KCNMA1: variants seen among roughly 807,000 people sequenced by gnomAD.
The protein encoded by KCNMA1 is Calcium-activated potassium channel subunit alpha-1.
KCNMA1 carries 29 observed loss-of-function variants against 140.0 expected under a neutral mutation model. The ratio of observed to expected loss-of-function variants is 0.21; its 90% CI spans 0.15 to 0.28. The LOEUF (loss-of-function observed/expected upper bound fraction) is 0.28, where lower values mean the gene tolerates loss of function less well. Ranked by LOEUF, KCNMA1 falls within the 10% of genes least tolerant of loss-of-function variation. The probability of loss-of-function intolerance (pLI) is 1.00; values close to 1 mark genes in which losing one functional copy is unlikely to be tolerated. For missense variants in KCNMA1, 880 were observed against 1,602.2 expected, an observed-to-expected ratio of 0.55 and a Z score of 7.70; for synonymous variants, 612 against 611.9, an observed-to-expected ratio of 1.00 and a Z score of 0.00.
intron 2 of KCNMA1, among the ~76,000 whole-genome samples, chr10:77,383,687 T>C (rs1447034263): frequency 1.3e-5 from 2 of 152,188 alleles, no homozygotes; most frequent in East Asian, 1.9e-4. Context: ...TCTTTTTTTG[T>C]ACTAAATTTC....
At chr10:77,193,894 A>G (rs2039509592) in intron 3 of KCNMA1, among the ~76,000 whole-genome samples, 1 of 152,210 alleles carries the variant, frequency 6.6e-6, no homozygotes, top group Non-Finnish European at 1.5e-5. Flanking sequence ...TCTCACATCT[A>G]CAGGAATTTA....
At chr10:77,114,820 C>G (rs1043434930) in intron 6 of KCNMA1, among the ~76,000 whole-genome samples, 1 of 152,202 alleles carries the variant, frequency 6.6e-6, no homozygotes, top group Non-Finnish European at 1.5e-5. Context: ...CAGAAAAGAA[C>G]TCTCTTTTCT....
At chr10:77,547,249 C>T (rs1466912891) in intron 1 of KCNMA1, among the ~76,000 whole-genome samples, 2 of 152,314 alleles carry the variant, frequency 1.3e-5, no homozygotes, top group East Asian at 1.9e-4. Context: ...GGAATCCAGA[C>T]ATCTACTTTC....
chr10:77,352,621 G>GGTGTGTGT (rs10555644), intron 2 of KCNMA1, among the ~76,000 whole-genome samples: 11 of 145,214 alleles, frequency 7.6e-5, no homozygotes, highest in Non-Finnish European at 1.7e-4. Flanking sequence ...TGCAGTACAG[G>GGTGTGTGT]GTGTGTGTGT....
intron 2 of KCNMA1, among the ~76,000 whole-genome samples, chr10:77,302,207 G>C (rs945379991): frequency 2.0e-5 from 3 of 152,142 alleles, no homozygotes; most frequent in African/African-American, 7.2e-5. Context: ...ACCAAATGGT[G>C]GAGTAACTTG....
intron 14 of KCNMA1, among the ~76,000 whole-genome samples, chr10:77,055,470 C>G (rs981293705): frequency 3.3e-5 from 5 of 149,766 alleles, no homozygotes; most frequent in African/African-American, 1.2e-4. Context: ...CTCCCTCCAT[C>G]CATTCCTTCC....
At chr10:76,925,773 C>T (rs549347723) in intron 23 of KCNMA1, among the ~76,000 whole-genome samples, 47 of 152,274 alleles carry the variant, frequency 3.1e-4, no homozygotes, top group African/African-American at 1.1e-3. Context: ...TGATGGCCAG[C>T]ACAGCAGAAA....
chr10:76,891,725 G>T lies in KCNMA1; in HGVS notation c.3148-6C>A. ...ATATTGTCATTGAAGTACGTCTGGG[G>T]AAGGAGAGAAAGTGAGGGAAAAGTC... On this transcript the variant is annotated splice_region_variant and splice_polypyrimidine_tract_variant and intron_variant, in intron 25 of 27. Transcript: ENST00000286628. 6.2e-7 allele frequency: 1 copy of T among 1,612,824 alleles called. No individual in the cohort carries two copies. Among genetic ancestry groups the T allele is most frequent in the South Asian group, 1.1e-5 (1 of 91,062 alleles).
intron 2 of KCNMA1, among the ~76,000 whole-genome samples, chr10:77,351,988 G>A (rs1036941396): frequency 3.9e-5 from 6 of 152,194 alleles, no homozygotes; most frequent in Admixed American, 3.3e-4. Flanking sequence ...GAATATTTAT[G>A]AGGGTTTGAC....
chr10:76,929,937 A>T (rs2058840934), intron 23 of KCNMA1: 1 of 152,210 alleles, frequency 6.6e-6, no homozygotes, highest in African/African-American at 2.4e-5. Context: ...TTTACATGCA[A>T]AAGAATAAAT....
intron 3 of KCNMA1, among the ~76,000 whole-genome samples, chr10:77,210,075 C>G (rs1256416648): frequency 6.6e-6 from 1 of 152,142 alleles, no homozygotes; most frequent in Non-Finnish European, 1.5e-5. Flanking sequence ...AAGCCAGCAT[C>G]ATCTTTATAC....
intron 3 of KCNMA1, among the ~76,000 whole-genome samples, chr10:77,238,649 T>C (rs1390283302): frequency 6.6e-6 from 1 of 152,198 alleles, no homozygotes; most frequent in Non-Finnish European, 1.5e-5. Flanking sequence ...CACTTAGACA[T>C]GTTTTGTATG....
At chr10:77,212,624 G>A (rs2046433205) in intron 3 of KCNMA1, among the ~76,000 whole-genome samples, 1 of 152,010 alleles carries the variant, frequency 6.6e-6, no homozygotes, top group Non-Finnish European at 1.5e-5. Context: ...TTTTAATTAT[G>A]AAATGCCAAT....
At chr10:77,587,888 G>A (rs1467524429) in intron 1 of KCNMA1, 5 of 984,178 alleles carry the variant, frequency 5.1e-6, no homozygotes, top group Admixed American at 6.2e-5. Flanking sequence ...AGAAAATAAG[G>A]CCCAGATCTG....
chr10:77,352,502 G>A (rs953877388), intron 2 of KCNMA1, among the ~76,000 whole-genome samples: 8 of 152,168 alleles, frequency 5.3e-5, no homozygotes, highest in Non-Finnish European at 7.3e-5. Flanking sequence ...CTCAAAAGGT[G>A]GCTAATGCAA....
At chr10:77,402,899 T>G (rs188593240) in intron 2 of KCNMA1, among the ~76,000 whole-genome samples, 106 of 152,232 alleles carry the variant, frequency 7.0e-4, no homozygotes, top group Non-Finnish European at 1.4e-3. Context: ...AGAATCACAA[T>G]GAGAAATCAC....
At chr10:77,227,744 G>A (rs1327358961) in intron 3 of KCNMA1, among the ~76,000 whole-genome samples, 1 of 151,824 alleles carries the variant, frequency 6.6e-6, no homozygotes, top group Non-Finnish European at 1.5e-5. Flanking sequence ...GAACTGAATT[G>A]TTCACATAAA....
intron 3 of KCNMA1, among the ~76,000 whole-genome samples, chr10:77,231,211 G>A (rs770393078): frequency 2.6e-5 from 4 of 152,036 alleles, no homozygotes; most frequent in Non-Finnish European, 4.4e-5. Context: ...TGGACATGTC[G>A]AAGATACATA....
At chr10:76,927,721 C>G (rs2058117831) in intron 23 of KCNMA1, among the ~76,000 whole-genome samples, 1 of 152,126 alleles carries the variant, frequency 6.6e-6, no homozygotes, top group Non-Finnish European at 1.5e-5. Context: ...ACCAGTGAAA[C>G]AACACCACTT....
Sources: allele counts gnomAD v4.1 joint callset (sites outside exome capture counted in the v4.1 genomes callset), GRCh38; gene constraint gnomAD v4.1.1; transcripts MANE v1.5; gene names NCBI Gene and HGNC (gene_info 2026-07-23, HGNC 2026-07-21).